AGBL4: variants seen among roughly 807,000 people sequenced by gnomAD.
The protein encoded by AGBL4 is AGBL carboxypeptidase 4.
Under a neutral mutation model 66.4 loss-of-function variants are expected in AGBL4, and 58 were observed. That is an observed-to-expected ratio of 0.87 (90% CI 0.71 to 1.09). The LOEUF (loss-of-function observed/expected upper bound fraction) is 1.09. AGBL4 is among the 50% of genes least tolerant of loss of function. AGBL4 has a pLI of 0.00. For synonymous variants in AGBL4, 234 were observed against 222.9 expected (o/e 1.05, Z -0.44); for missense variants, 579 against 631.0 (o/e 0.92, Z 0.88).
intron 1 of AGBL4, among the ~76,000 whole-genome samples, chr1:49,887,233 G>GTA (rs1029693609): frequency 2.0e-5 from 3 of 148,056 alleles, no homozygotes; most frequent in Admixed American, 6.8e-5. Flanking sequence ...TATATACATT[G>GTA]TATATATATG....
intron 3 of AGBL4, among the ~76,000 whole-genome samples, chr1:49,320,890 T>G (rs1233455631): frequency 6.6e-6 from 1 of 152,104 alleles, no homozygotes; most frequent in African/African-American, 2.4e-5. Context: ...AAGCAAGGCA[T>G]GTCTTCACAA....
chr1:49,268,903 T>A (rs753784190), intron 3 of AGBL4, among the ~76,000 whole-genome samples: 4 of 152,218 alleles, frequency 2.6e-5, no homozygotes, highest in African/African-American at 7.2e-5. Flanking sequence ...CTTTATACTA[T>A]GATTTTGCTG....
chr1:48,994,131 ACTT>A lies in AGBL4; in HGVS notation c.594+51450_594+51452del, dbSNP rs367670225. 1.7e-3 allele frequency among the ~76,000 whole-genome samples: 261 copies of A among 152,004 alleles called. 1 individual carries two copies. The highest frequency in any genetic ancestry group is 5.9e-3 in the African/African-American group (245 of 41,442). On this transcript the variant is annotated intron_variant, in intron 5 of 13. Coordinates refer to ENST00000371839, the MANE Select transcript of AGBL4 (RefSeq NM_032785.4). ...TTCACCTCTCCACTCTTCATTTTCTACTTCTTTCCCACCTGTATTCCAGCCACA... is the reference window on the plus strand; with the variant it reads ...TTCACCTCTCCACTCTTCATTTTCTACTTTCCCACCTGTATTCCAGCCACA...
intron 3 of AGBL4, among the ~76,000 whole-genome samples, chr1:49,696,580 T>A (rs548450229): frequency 6.6e-6 from 1 of 152,224 alleles, no homozygotes; most frequent in African/African-American, 2.4e-5. Context: ...AGGCTATGTA[T>A]ACAAGATGTA....
chr1:49,872,307 C>G (rs901838465), intron 1 of AGBL4, among the ~76,000 whole-genome samples: 2 of 151,928 alleles, frequency 1.3e-5, no homozygotes, highest in African/African-American at 2.4e-5. Context: ...TAATTATTCA[C>G]AGAAGTTCAA....
chr1:50,018,539 C>T (rs926985972), intron 1 of AGBL4, among the ~76,000 whole-genome samples: 1 of 152,074 alleles, frequency 6.6e-6, no homozygotes, highest in African/African-American at 2.4e-5. Flanking sequence ...CTCTGAAACT[C>T]ACATAGAACT....
At chr1:49,034,501 CTTAAA>C (rs1664481992) in intron 5 of AGBL4, among the ~76,000 whole-genome samples, 1 of 152,046 alleles carries the variant, frequency 6.6e-6, no homozygotes, top group Non-Finnish European at 1.5e-5. Context: ...GCATTCCTGA[CTTAAA>C]TTAATACTTT....
At chr1:48,693,468 G>C (rs17104669) in intron 6 of AGBL4, among the ~76,000 whole-genome samples, 1 of 152,108 alleles carries the variant, frequency 6.6e-6, no homozygotes, top group Admixed American at 6.5e-5. Flanking sequence ...GGTGGTCTCC[G>C]CGCTGACCTG....
intron 5 of AGBL4, among the ~76,000 whole-genome samples, chr1:48,996,321 T>C (rs1252190790): frequency 6.6e-6 from 1 of 152,164 alleles, no homozygotes; most frequent in African/African-American, 2.4e-5. Context: ...TTTAAAGCTA[T>C]AGGAACAGAT....
intron 2 of AGBL4, among the ~76,000 whole-genome samples, chr1:49,801,076 A>G (rs1346235659): frequency 3.3e-5 from 5 of 152,176 alleles, no homozygotes; most frequent in Admixed American, 2.6e-4. Flanking sequence ...TGTGACATTT[A>G]TGCAGCCAAA....
chr1:49,983,274 G>A (rs1441831859), intron 1 of AGBL4, among the ~76,000 whole-genome samples: 1 of 152,262 alleles, frequency 6.6e-6, no homozygotes, highest in Non-Finnish European at 1.5e-5. Flanking sequence ...GGGCTCTGCA[G>A]TTCCTGACGT....
intron 4 of AGBL4, among the ~76,000 whole-genome samples, chr1:49,130,716 G>A (rs1645873832): frequency 6.6e-6 from 1 of 152,098 alleles, no homozygotes; most frequent in South Asian, 2.1e-4. Context: ...GGTTACTGTA[G>A]CCTTGTAGTA....
intron 3 of AGBL4, among the ~76,000 whole-genome samples, chr1:49,626,409 C>T (rs1645464220): frequency 6.6e-6 from 1 of 152,088 alleles, no homozygotes. Flanking sequence ...GCAGGCATTA[C>T]ATAAGAACCT....
At chr1:49,135,937 A>G (rs1299314586) in intron 4 of AGBL4, among the ~76,000 whole-genome samples, 7 of 152,152 alleles carry the variant, frequency 4.6e-5, no homozygotes, top group African/African-American at 1.7e-4. Context: ...GTTAACAGTG[A>G]TTGTAACTGA....
intron 6 of AGBL4, among the ~76,000 whole-genome samples, chr1:48,774,103 A>G (rs1380686324): frequency 6.6e-6 from 1 of 152,232 alleles, no homozygotes; most frequent in Non-Finnish European, 1.5e-5. Context: ...AAAAGCCAGA[A>G]AGCTGTGCTG....
rs183300803 is a variant in AGBL4 at position 49,867,929 on chromosome 1, A to T, written c.35-16411T>A. ...CCCAATTAAAAGACACAGAATGGCA[A>T]GCTGGATAGACTCAAGACTCTTTGG... On this transcript the variant is annotated intron_variant, in intron 1 of 13. Coordinates refer to ENST00000371839, the MANE Select transcript of AGBL4 (RefSeq NM_032785.4). 2.2e-3 allele frequency among the ~76,000 whole-genome samples: 328 copies of T among 152,320 alleles called. 2 individuals carry two copies. Among genetic ancestry groups the T allele is most frequent in the African/African-American group, 7.3e-3 (303 of 41,578 alleles).
intron 3 of AGBL4, among the ~76,000 whole-genome samples, chr1:49,689,545 G>T (rs925041633): frequency 6.6e-6 from 1 of 152,030 alleles, no homozygotes; most frequent in African/African-American, 2.4e-5. Flanking sequence ...GGATAGCTTT[G>T]GTTCTTCTGG....
At chr1:49,548,588 G>A (rs1474342508) in intron 3 of AGBL4, among the ~76,000 whole-genome samples, 2 of 152,146 alleles carry the variant, frequency 1.3e-5, no homozygotes, top group Non-Finnish European at 1.5e-5. Flanking sequence ...TTATTGACTT[G>A]CATATGTTAA....
Position 48,587,237 on chromosome 1 carries a change from A to T in AGBL4, c.1105-71T>A, listed in dbSNP as rs1164341747. The T allele has an allele frequency of 2.7e-6, 4 of 1,460,268 alleles. No homozygotes were observed. In the African/African-American group the frequency reaches 5.6e-5, roughly 21 times the overall value. 90.5% of individuals were successfully genotyped at this position (1,460,268 alleles called of 1,614,324 possible). A position where few individuals can be genotyped will look rare whatever the true frequency, so the allele number is the denominator to read the frequency against. On this transcript the variant is annotated intron_variant, in intron 10 of 13. Transcript: ENST00000371839. ...AAATTGGATTGTGGGCAAATTTTAC[A>T]ACACCTCTGGGTCTCAGCTTCACTG...
Sources: gnomAD v4.1 joint callset for allele counts (sites outside exome capture counted in the v4.1 genomes callset) on GRCh38, gnomAD v4.1.1 for gene constraint, MANE v1.5 for transcripts, NCBI Gene and HGNC (gene_info 2026-07-23, HGNC 2026-07-21) for gene names.